KCNK10: variants seen among roughly 807,000 people sequenced by gnomAD.
KCNK10 encodes the protein potassium two pore domain channel subfamily K member 10, also known as potassium channel subfamily K member 10.
Under a neutral mutation model 47.7 loss-of-function variants are expected in KCNK10, and 25 were observed. The observed-to-expected ratio is 0.52, with a 90% CI of 0.38 to 0.73. The LOEUF (loss-of-function observed/expected upper bound fraction) is 0.73, where lower values mean the gene tolerates loss of function less well. KCNK10 is among the 30% of genes least tolerant of loss of function. The pLI, the probability that KCNK10 is intolerant of heterozygous loss-of-function variation, is 0.00. For synonymous variants in KCNK10, 303 were observed against 285.6 expected, an observed-to-expected ratio of 1.06 and a Z score of -0.61; for missense variants, 563 against 714.5, an observed-to-expected ratio of 0.79 and a Z score of 2.42.
chr14:88,247,757 G>A (rs769462166), intron 2 of KCNK10, among the ~76,000 whole-genome samples: 1 of 152,144 alleles, frequency 6.6e-6, no homozygotes, highest in Non-Finnish European at 1.5e-5. Flanking sequence ...GGGGATTTCT[G>A]AGACTCAATT....
At chr14:88,201,067 C>T (rs1223088415) in intron 4 of KCNK10, among the ~76,000 whole-genome samples, 1 of 152,186 alleles carries the variant, frequency 6.6e-6, no homozygotes, top group African/African-American at 2.4e-5. Flanking sequence ...AACAACCCTG[C>T]AAGGAGGCTA....
rs187942078 is a variant in KCNK10, at chr14:88,259,569, A to T, written c.402+3633T>A. Among the ~76,000 whole-genome samples the T allele has an allele frequency of 1.9e-3, 295 of 152,204 alleles. 1 individual carries two copies. The highest frequency in any genetic ancestry group is 6.8e-3 in the African/African-American group (284 of 41,542). On this transcript the variant is annotated intron_variant, in intron 2 of 6. Coordinates refer to ENST00000319231, the MANE Select transcript of KCNK10 (RefSeq NM_138317.3). ...CTTCCCGGGCTCAGGTGATCCTCCC[A>T]CCTCAGCCTCCCAAGTAGCTGGGAC... is the stretch of plus-strand genomic sequence containing the variant.
At chr14:88,284,677 CT>C (rs1417127171) in intron 1 of KCNK10, among the ~76,000 whole-genome samples, 1 of 152,116 alleles carries the variant, frequency 6.6e-6, no homozygotes, top group Non-Finnish European at 1.5e-5. Context: ...CTTCTGCCTG[CT>C]TTTTTTAGCC....
Position 88,186,250 on chromosome 14 carries a change from G to A in KCNK10, c.1012-95C>T. 4.3e-6 allele frequency: 6 copies of A among 1,409,768 alleles called. No individual in the cohort carries two copies. The highest frequency in any genetic ancestry group is 1.5e-5 in the South Asian group (1 of 67,556). The allele number at this position is 1,409,768 out of a possible 1,614,324, so 87.3% of individuals were successfully genotyped here. A position where few individuals can be genotyped will look rare whatever the true frequency, so the allele number is the denominator to read the frequency against. ...AGCCCTCGGGTGTCCCCACGGGGAG[G>A]CCAGGAGGTGACGGAGCACATGCCC... On this transcript the variant is annotated intron_variant, in intron 6 of 6. Transcript: ENST00000319231. This position sits in a 1 kb window ranked among gnomAD's most constrained non-coding sequence, Gnocchi z 5.5.
At chr14:88,217,243 G>A (rs997641246) in intron 4 of KCNK10, among the ~76,000 whole-genome samples, 1 of 152,118 alleles carries the variant, frequency 6.6e-6, no homozygotes, top group Non-Finnish European at 1.5e-5. Flanking sequence ...GTATGTACTA[G>A]GGCAGGCATG....
chr14:88,318,537 T>C (rs1033278179), intron 1 of KCNK10, among the ~76,000 whole-genome samples: 1 of 152,186 alleles, frequency 6.6e-6, no homozygotes, highest in Non-Finnish European at 1.5e-5. Context: ...AGGGAATCCC[T>C]TGCTAACAAG....
chr14:88,251,011 G>C (rs1018718832), intron 2 of KCNK10, among the ~76,000 whole-genome samples: 1 of 152,022 alleles, frequency 6.6e-6, no homozygotes, highest in African/African-American at 2.4e-5. Flanking sequence ...GAGGTGGGCA[G>C]ATCACAAGGT....
intron 1 of KCNK10, among the ~76,000 whole-genome samples, chr14:88,281,816 T>C (rs1252922460): frequency 1.9e-5 from 2 of 107,262 alleles, no homozygotes; most frequent in African/African-American, 7.3e-5. Flanking sequence ...GATATATATA[T>C]ACACAAGATA....
At chr14:88,205,084 G>A (rs1399517299) in intron 4 of KCNK10, among the ~76,000 whole-genome samples, 4 of 152,154 alleles carry the variant, frequency 2.6e-5, no homozygotes, top group Non-Finnish European at 5.9e-5. Context: ...ATGGATCTTT[G>A]TAACTGTCTC....
chr14:88,227,326 A>G, intron 4 of KCNK10, 49 bp downstream of exon 4: 1 of 1,485,744 alleles, frequency 6.7e-7, no homozygotes, highest in Non-Finnish European at 9.1e-7. Context: ...GTCAGGCTAA[A>G]GCCAACTGGA....
intron 4 of KCNK10, among the ~76,000 whole-genome samples, chr14:88,224,760 C>T (rs9646171): frequency 0.2 from 30,921 of 152,166 alleles, 4,166 homozygotes; most frequent in Non-Finnish European, 0.3. Flanking sequence ...CAGGCATGCA[C>T]CACCGTGCCC....
intron 3 of KCNK10, 29 bp from the exon 4 acceptor site, chr14:88,227,564 G>C: frequency 6.4e-7 from 1 of 1,561,684 alleles, no homozygotes; most frequent in Non-Finnish European, 8.6e-7. Context: ...AAGAGGGAGA[G>C]TGGCAGAGAA....
rs1003772957 is a variant in KCNK10, at chr14:88,322,138, C to T, written c.52+609G>A. Among the ~76,000 whole-genome samples, 1 of 152,204 alleles carries T rather than the reference C, an allele frequency of 6.6e-6. No individual in the cohort carries two copies. Among genetic ancestry groups the T allele is most frequent in the Non-Finnish European group, 1.5e-5 (1 of 68,036 alleles). ...AGCCCCACCCTTCTCACAAACCACCCCTCCTCCTGCTTCTACTCTGACCTG... is the reference window on the plus strand; with the variant it reads ...AGCCCCACCCTTCTCACAAACCACCTCTCCTCCTGCTTCTACTCTGACCTG... On this transcript the variant is annotated intron_variant, in intron 1 of 6. Transcript: ENST00000319231. This position sits in a 1 kb window ranked among gnomAD's most constrained non-coding sequence, Gnocchi z 4.8.
At chr14:88,249,974 A>G (rs1225913383) in intron 2 of KCNK10, among the ~76,000 whole-genome samples, 1 of 152,218 alleles carries the variant, frequency 6.6e-6, no homozygotes, top group Non-Finnish European at 1.5e-5. Flanking sequence ...AATAAGAGCA[A>G]TTGTAGGAAC....
intron 1 of KCNK10, among the ~76,000 whole-genome samples, chr14:88,278,311 C>G (rs1159951502): frequency 8.5e-5 from 13 of 152,208 alleles, no homozygotes; most frequent in Admixed American, 8.5e-4. Flanking sequence ...TGAGAAGTGT[C>G]CCTTCTCCTA....
chr14:88,221,113 C>A (rs1885796096), intron 4 of KCNK10, among the ~76,000 whole-genome samples: 1 of 151,784 alleles, frequency 6.6e-6, no homozygotes, highest in South Asian at 2.1e-4. Flanking sequence ...ACCAGCTTGG[C>A]CAACAAAGTG....
intron 2 of KCNK10, among the ~76,000 whole-genome samples, chr14:88,243,641 G>A (rs1255089874): frequency 1.3e-5 from 2 of 152,120 alleles, no homozygotes; most frequent in Non-Finnish European, 2.9e-5. Flanking sequence ...GCTGATTAGA[G>A]ATGAGTCGCT....
chr14:88,301,952 T>A (rs1595129442), intron 1 of KCNK10, among the ~76,000 whole-genome samples: 1 of 151,998 alleles, frequency 6.6e-6, no homozygotes, highest in African/African-American at 2.4e-5. Context: ...GGAGCAAGGG[T>A]AGAAGAAAGG....
chr14:88,293,726 T>C (rs1001120580), intron 1 of KCNK10, among the ~76,000 whole-genome samples: 1 of 151,994 alleles, frequency 6.6e-6, no homozygotes, highest in African/African-American at 2.4e-5. Flanking sequence ...CCCAGGCTAG[T>C]GTGCAGTGGT....
Sources: gnomAD v4.1 joint callset for allele counts (sites outside exome capture counted in the v4.1 genomes callset) on GRCh38, gnomAD v4.1.1 for gene constraint, Gnocchi (gnomAD v3.1) non-coding constraint, MANE v1.5 for transcripts, NCBI Gene and HGNC (gene_info 2026-07-23, HGNC 2026-07-21) for gene names.